TCF4: variants seen among roughly 807,000 people sequenced by gnomAD.
TCF4 encodes transcription factor 4.
TCF4 carries 3 observed loss-of-function variants against 82.1 expected under a neutral mutation model. The observed-to-expected ratio is 0.04, with a 90% CI of 0.02 to 0.09. TCF4 has a LOEUF of 0.09. TCF4 is among the 10% of genes least tolerant of loss of function. TCF4 has a pLI of 1.00. For synonymous variants in TCF4, 276 were observed against 309.6 expected (o/e 0.89, Z 1.14); for missense variants, 518 against 852.7 (o/e 0.61, Z 4.89).
intron 8 of TCF4, among the ~76,000 whole-genome samples, chr18:55,297,695 T>C (rs1871955852): frequency 6.6e-6 from 1 of 152,072 alleles, no homozygotes; most frequent in Non-Finnish European, 1.5e-5. Context: ...TTTGCGTGCA[T>C]TACAAATTAT....
chr18:55,615,813 A>G (rs987426172), intron 2 of TCF4, among the ~76,000 whole-genome samples: 14 of 152,108 alleles, frequency 9.2e-5, no homozygotes, highest in Non-Finnish European at 1.8e-4. Flanking sequence ...CTGATTTTCA[A>G]TTGTTAAAAC....
intron 3 of TCF4, among the ~76,000 whole-genome samples, chr18:55,570,716 T>C (rs2097455903): frequency 6.6e-6 from 1 of 151,780 alleles, no homozygotes; most frequent in African/African-American, 2.4e-5. Context: ...ACCCCTTCTC[T>C]ACAAAAAATA....
intron 3 of TCF4, among the ~76,000 whole-genome samples, chr18:55,574,349 G>C: frequency 6.6e-6 from 1 of 151,944 alleles, no homozygotes. Flanking sequence ...TTTTGAGACA[G>C]AGTCTTGCTC....
At chr18:55,561,382 T>A (rs568337441) in intron 3 of TCF4, among the ~76,000 whole-genome samples, 1 of 152,340 alleles carries the variant, frequency 6.6e-6, no homozygotes, top group Admixed American at 6.5e-5. Flanking sequence ...TCTCAAGCTT[T>A]CAACACAGAC....
chr18:55,322,294 T>A, intron 8 of TCF4: 3 of 1,045,642 alleles, frequency 2.9e-6, no homozygotes, highest in Non-Finnish European at 3.5e-6. Context: ...AAAAAGCGAG[T>A]GGCAGGAAGG....
At chr18:55,531,747 G>T (rs2097065864) in intron 3 of TCF4, among the ~76,000 whole-genome samples, 1 of 152,142 alleles carries the variant, frequency 6.6e-6, no homozygotes, top group Non-Finnish European at 1.5e-5. Context: ...TATAAATTGT[G>T]CTTGGGTATG....
intron 8 of TCF4, among the ~76,000 whole-genome samples, chr18:55,336,158 T>C (rs1479212249): frequency 2.0e-5 from 3 of 152,048 alleles, no homozygotes; most frequent in Non-Finnish European, 4.4e-5. Flanking sequence ...ATCTCAATTC[T>C]AATAAAAAAA....
At chr18:55,356,043 G>A (rs187862021) in intron 6 of TCF4, among the ~76,000 whole-genome samples, 101 of 152,076 alleles carry the variant, frequency 6.6e-4, no homozygotes, top group Admixed American at 1.0e-3. Flanking sequence ...GTGTAAAAAG[G>A]GACTAATAAG....
At chr18:55,595,247 C>G (rs1333691013) in intron 2 of TCF4, among the ~76,000 whole-genome samples, 1 of 152,204 alleles carries the variant, frequency 6.6e-6, no homozygotes, top group Admixed American at 6.5e-5. Context: ...TTCCCAAACC[C>G]TCAAAACACC....
chr18:55,510,724 T>G, intron 3 of TCF4: 1 of 1,405,882 alleles, frequency 7.1e-7, no homozygotes, highest in Non-Finnish European at 9.3e-7. Flanking sequence ...TAAGGGGCCT[T>G]CCTTGTTACT....
intron 6 of TCF4, among the ~76,000 whole-genome samples, chr18:55,368,762 T>C (rs1272133914): frequency 6.6e-6 from 1 of 152,220 alleles, no homozygotes; most frequent in African/African-American, 2.4e-5. Flanking sequence ...CTGGCCATGT[T>C]GTAGATTTTA....
chr18:55,256,656 C>CTCCT (rs1166974336), intron 14 of TCF4, among the ~76,000 whole-genome samples: 7 of 152,132 alleles, frequency 4.6e-5, no homozygotes, highest in African/African-American at 1.7e-4. Flanking sequence ...AACTAAAAGG[C>CTCCT]TCCTCTCCCT....
At chr18:55,514,411 A>ACG (rs1374731918) in intron 3 of TCF4, among the ~76,000 whole-genome samples, 1 of 139,404 alleles carries the variant, frequency 7.2e-6, no homozygotes, top group Non-Finnish European at 1.5e-5. Context: ...CCATGCACAC[A>ACG]CACACACACA....
At chr18:55,245,649 G>C (rs781555082) in intron 15 of TCF4, among the ~76,000 whole-genome samples, 2 of 152,110 alleles carry the variant, frequency 1.3e-5, no homozygotes, top group African/African-American at 2.4e-5. Context: ...TTTATTTTCT[G>C]TTTTTGGTTT....
chr18:55,274,053 G>C (rs955850012), intron 10 of TCF4, among the ~76,000 whole-genome samples: 9 of 152,234 alleles, frequency 5.9e-5, no homozygotes, highest in African/African-American at 2.2e-4. Flanking sequence ...ATGCGGTATA[G>C]TGCCTAAAAC....
chr18:55,597,057 C>G (rs150700227), intron 2 of TCF4, among the ~76,000 whole-genome samples: 327 of 152,318 alleles, frequency 2.1e-3, no homozygotes, highest in Non-Finnish European at 4.1e-3. Context: ...TTCGCTCTCT[C>G]TCTCCTGCTG....
intron 8 of TCF4, among the ~76,000 whole-genome samples, chr18:55,300,653 A>G (rs2067957889): frequency 6.6e-6 from 1 of 152,266 alleles, no homozygotes; most frequent in South Asian, 2.1e-4. Context: ...TGGCGTTGCC[A>G]TCAAATGGTA....
At chr18:55,302,970 T>C (rs1179945478) in intron 8 of TCF4, among the ~76,000 whole-genome samples, 5 of 152,138 alleles carry the variant, frequency 3.3e-5, no homozygotes, top group Admixed American at 1.3e-4. Flanking sequence ...GAGAGCCCAG[T>C]TGTCAAAAGC....
At chr18:55,566,841 T>C (rs764076149) in intron 3 of TCF4, among the ~76,000 whole-genome samples, 2 of 152,152 alleles carry the variant, frequency 1.3e-5, no homozygotes, top group Non-Finnish European at 2.9e-5. Context: ...AAGCTGATAA[T>C]TTTTCTGAAT....
Sources: gnomAD v4.1 joint callset for allele counts (sites outside exome capture counted in the v4.1 genomes callset) on GRCh38, gnomAD v4.1.1 for gene constraint, MANE v1.5 for transcripts, NCBI Gene and HGNC (gene_info 2026-07-23, HGNC 2026-07-21) for gene names.